Variants in KCNIP4 observed in about 807,000 individuals in gnomAD.
KCNIP4 encodes potassium voltage-gated channel interacting protein 4, also known as Kv channel-interacting protein 4.
KCNIP4 carries 12 observed loss-of-function variants against 34.0 expected under a neutral mutation model. The ratio of observed to expected loss-of-function variants is 0.35; its 90% CI spans 0.23 to 0.57. The LOEUF is 0.57. Among genes scored for constraint, KCNIP4 ranks in the 20% least tolerant of loss-of-function variants. KCNIP4 has a pLI of 0.83. For missense variants in KCNIP4, 238 were observed against 311.7 expected, an observed-to-expected ratio of 0.76 and a Z score of 1.78; for synonymous variants, 124 against 102.2, an observed-to-expected ratio of 1.21 and a Z score of -1.29.
rs745655220 is a variant in KCNIP4, at chr4:20,811,504, TGTGTGTGTGTGC to T, written c.288+39027_288+39038del. Among the ~76,000 whole-genome samples the T allele has an allele frequency of 7.7e-3, 755 of 97,578 alleles. 4 individuals are homozygous for T. Among genetic ancestry groups the T allele is most frequent in the Middle Eastern group, 0.03 (6 of 200 alleles). 64.0% of individuals were successfully genotyped at this position (97,578 alleles called of 152,430 possible). On this transcript the variant is annotated intron_variant, in intron 3 of 8. Transcript: ENST00000382152. Reference sequence around the variant, plus strand: ...ATGTGTGTGTGCATGTGTGTGTGTGTGTGTGTGTGTGCGCGCGCGCACGCGTGCACGCCAGAG... The same window carrying T: ...ATGTGTGTGTGCATGTGTGTGTGTGTGCGCGCGCACGCGTGCACGCCAGAG...
intron 1 of KCNIP4, among the ~76,000 whole-genome samples, chr4:21,068,830 T>A (rs1340419353): frequency 6.6e-6 from 1 of 152,194 alleles, no homozygotes; most frequent in Non-Finnish European, 1.5e-5. Flanking sequence ...TCTTAATAAT[T>A]TTATTTAGAA....
rs1055646621 is a variant in KCNIP4 at position 21,575,462 on chromosome 4, C to G, written c.61+373109G>C. On this transcript the variant is annotated intron_variant, in intron 1 of 8. Transcript: ENST00000382152. Reference sequence around the variant, plus strand: ...TATTGAATGAGAATAATGTCCAATACCTTACTGCTGATACTTCCTATTTTT... The same window carrying G: ...TATTGAATGAGAATAATGTCCAATAGCTTACTGCTGATACTTCCTATTTTT... Among the ~76,000 whole-genome samples the G allele has an allele frequency of 5.9e-5, 9 of 152,118 alleles. No individual in the cohort carries two copies. In the East Asian group the frequency reaches 1.7e-3, roughly 29 times the overall value.
In KCNIP4 at chr4:20,911,240, A is replaced by G. The variant is rs971071961; in HGVS notation, c.62-28531T>C. 2.0e-5 allele frequency among the ~76,000 whole-genome samples: 3 copies of G among 152,192 alleles called. No homozygotes were observed. The South Asian group carries it at 6.2e-4, about 31-fold the overall frequency. On this transcript the variant is annotated intron_variant, in intron 1 of 8. Coordinates refer to ENST00000382152, the MANE Select transcript of KCNIP4 (RefSeq NM_025221.6). The stretch of plus-strand genomic sequence containing the variant: ...GAAATGACCTTATTTTATATGACCA[A>G]CATTACAATGTAGCAAGATGACCAT...
intron 1 of KCNIP4, among the ~76,000 whole-genome samples, chr4:21,058,949 G>A (rs1373350434): frequency 6.6e-6 from 1 of 152,046 alleles, no homozygotes; most frequent in Non-Finnish European, 1.5e-5. Flanking sequence ...AGACCCAGTG[G>A]GAGGTAATTG....
intron 1 of KCNIP4, among the ~76,000 whole-genome samples, chr4:21,038,041 T>C (rs1741610013): frequency 6.6e-6 from 1 of 152,200 alleles, no homozygotes; most frequent in Non-Finnish European, 1.5e-5. Context: ...TGGAGTGCAG[T>C]GGAGCAGCTC....
chr4:21,235,123 G>C (rs1211812848), intron 1 of KCNIP4, among the ~76,000 whole-genome samples: 1 of 152,106 alleles, frequency 6.6e-6, no homozygotes, highest in African/African-American at 2.4e-5. Context: ...ACATATTTCA[G>C]TGTCTATTGG....
intron 1 of KCNIP4, among the ~76,000 whole-genome samples, chr4:21,619,126 A>G (rs1457854182): frequency 6.6e-6 from 1 of 151,654 alleles, no homozygotes; most frequent in African/African-American, 2.4e-5. Flanking sequence ...ATTAACAGCA[A>G]AGATAGAAGT....
chr4:20,768,803 T>C (rs1474579345), intron 3 of KCNIP4, among the ~76,000 whole-genome samples: 2 of 152,102 alleles, frequency 1.3e-5, no homozygotes, highest in Non-Finnish European at 1.5e-5. Flanking sequence ...ACTTCTGGGG[T>C]CAAAGTGGTT....
In KCNIP4 at chr4:20,729,570, GTTTT is replaced by G. The variant is rs888638953; in HGVS notation, c.*508_*511del. Reference sequence around the variant, plus strand: ...AAGGCCATAGAAACTGGAACTATGTGTTTTTTTAATTGTTGTAATCTTGTTTCCT... The same window carrying G: ...AAGGCCATAGAAACTGGAACTATGTGTTTAATTGTTGTAATCTTGTTTCCT... On this transcript the variant is annotated 3_prime_UTR_variant, in exon 9 of 9. Transcript: ENST00000382152. The G allele has an allele frequency of 6.7e-6, 1 of 148,622 alleles. No individual in the cohort carries two copies. Among genetic ancestry groups the G allele is most frequent in the Non-Finnish European group, 1.5e-5 (1 of 67,282 alleles). 9.2% of individuals were successfully genotyped at this position (148,622 alleles called of 1,614,324 possible). A position where few individuals can be genotyped will look rare whatever the true frequency, so the allele number is the denominator to read the frequency against.
chr4:21,325,619 A>G (rs898512607), intron 1 of KCNIP4, among the ~76,000 whole-genome samples: 1 of 150,792 alleles, frequency 6.6e-6, no homozygotes, highest in Non-Finnish European at 1.5e-5. Context: ...TCTGATCTTT[A>G]TTACTTCTTC....
chr4:21,017,817 A>G (rs1739688721), intron 1 of KCNIP4, among the ~76,000 whole-genome samples: 1 of 152,100 alleles, frequency 6.6e-6, no homozygotes, highest in Admixed American at 6.5e-5. Flanking sequence ...AACAGTGTAA[A>G]AGTGTTCCTG....
chr4:21,726,830 C>T (rs889016391), intron 1 of KCNIP4, among the ~76,000 whole-genome samples: 1 of 152,120 alleles, frequency 6.6e-6, no homozygotes, highest in Non-Finnish European at 1.5e-5. Flanking sequence ...ATCGATGGAT[C>T]AATCCTGATT....
chr4:21,028,403 C>T (rs1740730763), intron 1 of KCNIP4, among the ~76,000 whole-genome samples: 1 of 152,194 alleles, frequency 6.6e-6, no homozygotes, highest in Non-Finnish European at 1.5e-5. Context: ...TAAAACTGCA[C>T]ACATGACCTC....
chr4:20,759,058 C>T (rs1235190382), intron 3 of KCNIP4, among the ~76,000 whole-genome samples, 168 bp from the exon 4 acceptor site: 1 of 151,864 alleles, frequency 6.6e-6, no homozygotes, highest in Admixed American at 6.6e-5. Context: ...TATGTTTGTT[C>T]CAGTTCTCAC....
chr4:20,930,775 T>G (rs1274030151), intron 1 of KCNIP4, among the ~76,000 whole-genome samples: 2 of 151,338 alleles, frequency 1.3e-5, no homozygotes, highest in Non-Finnish European at 2.9e-5. Flanking sequence ...TTGCTAATCA[T>G]TAGGGAAACA....
chr4:20,761,329 G>A (rs1754939339), intron 3 of KCNIP4, among the ~76,000 whole-genome samples: 1 of 152,130 alleles, frequency 6.6e-6, no homozygotes, highest in Non-Finnish European at 1.5e-5. Context: ...CCATTTCTCT[G>A]AAGGACCCTA....
intron 1 of KCNIP4, among the ~76,000 whole-genome samples, chr4:21,556,684 G>A (rs1300447675): frequency 1.3e-5 from 2 of 152,060 alleles, no homozygotes; most frequent in African/African-American, 2.4e-5. Context: ...ACTTTGGGAA[G>A]CTGAGGCAGG....
intron 1 of KCNIP4, among the ~76,000 whole-genome samples, chr4:20,955,435 A>C (rs983066989): frequency 6.6e-6 from 1 of 152,164 alleles, no homozygotes; most frequent in Non-Finnish European, 1.5e-5. Context: ...CCAATCATCA[A>C]TTCTGCAACT....
intron 1 of KCNIP4, among the ~76,000 whole-genome samples, chr4:21,374,361 G>A (rs1001329693): frequency 6.8e-6 from 1 of 147,006 alleles, no homozygotes; most frequent in Non-Finnish European, 1.5e-5. Flanking sequence ...GAGAGAATGA[G>A]AGCCAAGAAA....
Sources: allele counts gnomAD v4.1 joint callset (sites outside exome capture counted in the v4.1 genomes callset), GRCh38; gene constraint gnomAD v4.1.1; transcripts MANE v1.5; gene names NCBI Gene and HGNC (gene_info 2026-07-23, HGNC 2026-07-21).